The following LYPD6B variants were observed in gnomAD, a reference collection of about 807,000 sequenced individuals.
LYPD6B encodes the protein LY6/PLAUR domain containing 6B, also known as ly6/PLAUR domain-containing protein 6B.
In LYPD6B, 17 loss-of-function variants were observed where a neutral mutation model predicts 22.8. That is an observed-to-expected ratio of 0.75 (90% CI 0.51 to 1.12). The LOEUF is 1.12. Among genes scored for constraint, LYPD6B ranks in the 50% most tolerant of loss-of-function variants. The probability of loss-of-function intolerance (pLI) is 0.00; values close to 1 mark genes in which losing one functional copy is unlikely to be tolerated. For missense variants in LYPD6B, 221 were observed against 258.3 expected (o/e 0.86, Z 0.99); for synonymous variants, 106 against 91.6 (o/e 1.16, Z -0.90).
At chr2:149,149,239 A>G (rs1689217190) in intron 2 of LYPD6B, among the ~76,000 whole-genome samples, 1 of 152,212 alleles carries the variant, frequency 6.6e-6, no homozygotes, top group Non-Finnish European at 1.5e-5. Flanking sequence ...GAACTTGAAC[A>G]TTTATGTGTC....
chr2:149,199,309 A>C (rs1693013360), intron 3 of LYPD6B, among the ~76,000 whole-genome samples: 1 of 152,218 alleles, frequency 6.6e-6, no homozygotes, highest in Non-Finnish European at 1.5e-5. Context: ...ATGTAGAACC[A>C]GAATTTTCTT....
At chr2:149,087,376 G>A (rs1685449216) in intron 1 of LYPD6B, among the ~76,000 whole-genome samples, 1 of 152,138 alleles carries the variant, frequency 6.6e-6, no homozygotes, top group Admixed American at 6.5e-5. Flanking sequence ...TTTTACGTAT[G>A]TAAAGGAAGC....
chr2:149,087,941 TA>T (rs1685473272), intron 1 of LYPD6B, among the ~76,000 whole-genome samples: 1 of 152,306 alleles, frequency 6.6e-6, no homozygotes, highest in Admixed American at 6.5e-5. Flanking sequence ...GGGCCACCAC[TA>T]GGGGGTAACG....
At chr2:149,078,645 ATT>A (rs1684983196) in intron 1 of LYPD6B, among the ~76,000 whole-genome samples, 2 of 152,106 alleles carry the variant, frequency 1.3e-5, no homozygotes, top group Non-Finnish European at 2.9e-5. Context: ...TTGTCACTGA[ATT>A]TTCACTTTTA....
chr2:149,131,829 G>A (rs188809393), intron 2 of LYPD6B, among the ~76,000 whole-genome samples: 1 of 152,194 alleles, frequency 6.6e-6, no homozygotes, highest in East Asian at 1.9e-4. Flanking sequence ...AAAGTCTTTG[G>A]GAGCTAAAAC....
chr2:149,146,512 C>A (rs969366912), intron 2 of LYPD6B, among the ~76,000 whole-genome samples: 40 of 152,112 alleles, frequency 2.6e-4, no homozygotes, highest in Admixed American at 2.2e-3. Flanking sequence ...GGCTGGGCCA[C>A]GCCAGGCTGT....
At chr2:149,199,265 G>A (rs1316816015) in intron 3 of LYPD6B, among the ~76,000 whole-genome samples, 1 of 152,196 alleles carries the variant, frequency 6.6e-6, no homozygotes, top group Non-Finnish European at 1.5e-5. Context: ...AATGGGCACA[G>A]TATTTCTTAA....
At chr2:149,089,037 A>C (rs192965623) in intron 1 of LYPD6B, among the ~76,000 whole-genome samples, 2 of 152,338 alleles carry the variant, frequency 1.3e-5, no homozygotes, top group African/African-American at 2.4e-5. Context: ...TGATAATATT[A>C]GTACCCAATG....
At chr2:149,062,860 C>CTTTTTTTTT (rs5835285) in intron 1 of LYPD6B, among the ~76,000 whole-genome samples, 1 of 93,560 alleles carries the variant, frequency 1.1e-5, no homozygotes, top group Non-Finnish European at 2.1e-5. Context: ...GATACATGTT[C>CTTTTTTTTT]TTTTTTTTTT....
At chr2:149,181,811 C>G (rs1436120410) in intron 3 of LYPD6B, among the ~76,000 whole-genome samples, 1 of 152,168 alleles carries the variant, frequency 6.6e-6, no homozygotes, top group East Asian at 1.9e-4. Context: ...CCACTATTTG[C>G]CTTTCCCCAT....
chr2:149,124,634 T>C (rs977813247), intron 1 of LYPD6B, among the ~76,000 whole-genome samples: 2 of 152,192 alleles, frequency 1.3e-5, no homozygotes, highest in African/African-American at 4.8e-5. Context: ...CTAATCCCTC[T>C]AATGGAGTTC....
chr2:149,045,569 T>C (rs1275512093), intron 1 of LYPD6B, among the ~76,000 whole-genome samples: 1 of 152,102 alleles, frequency 6.6e-6, no homozygotes. Flanking sequence ...TTTAGCTGCA[T>C]TATACAATTT....
chr2:149,096,507 G>C (rs1246228908), intron 1 of LYPD6B, among the ~76,000 whole-genome samples: 1 of 152,192 alleles, frequency 6.6e-6, no homozygotes, highest in Non-Finnish European at 1.5e-5. Flanking sequence ...CATGTTTTCA[G>C]ATCCTGAATT....
chr2:149,175,065 G>T (rs868696162), intron 3 of LYPD6B, among the ~76,000 whole-genome samples: 3 of 122,162 alleles, frequency 2.5e-5, no homozygotes, highest in African/African-American at 8.2e-5. Flanking sequence ...CTCTCTCTGT[G>T]TGTGTGTGTG....
chr2:149,096,033 G>T (rs1685889620), intron 1 of LYPD6B, among the ~76,000 whole-genome samples: 1 of 151,834 alleles, frequency 6.6e-6, no homozygotes, highest in Non-Finnish European at 1.5e-5. Context: ...AGAGACAGAG[G>T]GAGGCACGGA....
At chr2:149,088,097 C>A (rs1053429869) in intron 1 of LYPD6B, among the ~76,000 whole-genome samples, 1 of 150,826 alleles carries the variant, frequency 6.6e-6, no homozygotes, top group East Asian at 2.0e-4. Flanking sequence ...CCTGTTGCTC[C>A]CCCCACCCAA....
At chr2:149,205,686 T>G (rs1693467491) in intron 4 of LYPD6B, among the ~76,000 whole-genome samples, 1 of 152,204 alleles carries the variant, frequency 6.6e-6, no homozygotes, top group Non-Finnish European at 1.5e-5. Flanking sequence ...GTAGAGGAAA[T>G]TCATTGTTCT....
At chr2:149,167,337 T>A (rs1157410891) in intron 3 of LYPD6B, among the ~76,000 whole-genome samples, 1 of 152,198 alleles carries the variant, frequency 6.6e-6, no homozygotes, top group East Asian at 1.9e-4. Context: ...CTTAATTGCT[T>A]TCTGTGATAT....
At chr2:149,043,757 T>C (rs1346697049) in intron 1 of LYPD6B, among the ~76,000 whole-genome samples, 1 of 152,182 alleles carries the variant, frequency 6.6e-6, no homozygotes, top group East Asian at 1.9e-4. Flanking sequence ...TTTCATGTTT[T>C]ATGTTTTACA....
Sources: gnomAD v4.1 joint callset for allele counts (sites outside exome capture counted in the v4.1 genomes callset) on GRCh38, gnomAD v4.1.1 for gene constraint, MANE v1.5 for transcripts, NCBI Gene and HGNC (gene_info 2026-07-23, HGNC 2026-07-21) for gene names.